CTNNA3: variants seen among roughly 807,000 people sequenced by gnomAD.
The protein encoded by CTNNA3 is catenin alpha 3, also known as catenin alpha-3.
A neutral mutation model predicts 95.7 loss-of-function variants in CTNNA3; 76 were observed. The ratio of observed to expected loss-of-function variants is 0.79; its 90% CI spans 0.66 to 0.96. The LOEUF (loss-of-function observed/expected upper bound fraction) is 0.96. CTNNA3 is among the 40% of genes least tolerant of loss of function. The pLI is 0.00. For missense variants in CTNNA3, 1,191 were observed against 1,089.8 expected, an observed-to-expected ratio of 1.09 and a Z score of -1.31; for synonymous variants, 431 against 374.4, an observed-to-expected ratio of 1.15 and a Z score of -1.74.
At chr10:66,055,909 G>A (rs1465732403) in intron 15 of CTNNA3, among the ~76,000 whole-genome samples, 5 of 119,948 alleles carry the variant, frequency 4.2e-5, no homozygotes, top group Non-Finnish European at 6.4e-5. Context: ...GCGACAGAGC[G>A]AGACTCCATC....
At chr10:66,152,141 T>C (rs2084234973) in intron 13 of CTNNA3, among the ~76,000 whole-genome samples, 1 of 151,958 alleles carries the variant, frequency 6.6e-6, no homozygotes, top group South Asian at 2.1e-4. Flanking sequence ...GAAAAATAAG[T>C]ACCATTCAAA....
intron 1 of CTNNA3, among the ~76,000 whole-genome samples, chr10:67,653,404 T>C (rs1839932085): frequency 6.6e-6 from 1 of 152,130 alleles, no homozygotes; most frequent in African/African-American, 2.4e-5. Context: ...GTCCCTCTTC[T>C]CATCTTTAAT....
At chr10:66,214,787 C>T (rs1344880373) in intron 13 of CTNNA3, among the ~76,000 whole-genome samples, 1 of 152,002 alleles carries the variant, frequency 6.6e-6, no homozygotes, top group Non-Finnish European at 1.5e-5. Flanking sequence ...CTAGGATATT[C>T]TAAGTAAAAA....
intron 9 of CTNNA3, among the ~76,000 whole-genome samples, chr10:66,695,490 A>G (rs1018827181): frequency 6.6e-6 from 1 of 152,166 alleles, no homozygotes; most frequent in Non-Finnish European, 1.5e-5. Context: ...AGTATATGTA[A>G]TATTCACATT....
intron 10 of CTNNA3, among the ~76,000 whole-genome samples, chr10:66,522,924 G>T (rs552826076): frequency 6.7e-4 from 102 of 152,136 alleles, no homozygotes; most frequent in Non-Finnish European, 1.4e-3. Flanking sequence ...ATATCCTAAA[G>T]ACTGTACCTT....
intron 17 of CTNNA3, among the ~76,000 whole-genome samples, chr10:65,948,537 G>C (rs1807791120): frequency 6.7e-6 from 1 of 148,880 alleles, no homozygotes; most frequent in Admixed American, 6.8e-5. Flanking sequence ...TTCCCCTATG[G>C]TTGTCAGTGT....
At chr10:66,079,840 T>C (rs1015458938) in intron 14 of CTNNA3, among the ~76,000 whole-genome samples, 1 of 152,042 alleles carries the variant, frequency 6.6e-6, no homozygotes. Context: ...TCTCATTATA[T>C]TATTAACAAC....
chr10:66,791,611 C>T (rs572739416), intron 7 of CTNNA3, among the ~76,000 whole-genome samples: 25 of 152,292 alleles, frequency 1.6e-4, no homozygotes, highest in Non-Finnish European at 3.1e-4. Flanking sequence ...ATCTCTCCCC[C>T]AATAGATATG....
chr10:67,157,569 G>A (rs1861365470), intron 7 of CTNNA3, among the ~76,000 whole-genome samples: 1 of 152,076 alleles, frequency 6.6e-6, no homozygotes, highest in African/African-American at 2.4e-5. Flanking sequence ...TAAAAGAGGA[G>A]GTTTGTAAAC....
intron 11 of CTNNA3, among the ~76,000 whole-genome samples, chr10:66,397,034 C>T (rs2092983619): frequency 6.6e-6 from 1 of 151,476 alleles, no homozygotes; most frequent in South Asian, 2.1e-4. Context: ...ATAGGACCCT[C>T]ATTTAAAATT....
intron 13 of CTNNA3, among the ~76,000 whole-genome samples, chr10:66,152,535 CTG>C: frequency 6.6e-6 from 1 of 151,950 alleles, no homozygotes; most frequent in East Asian, 1.9e-4. Context: ...TCTGAATTCA[CTG>C]TATCAGAATG....
At chr10:67,230,745 C>A (rs1451827879) in intron 5 of CTNNA3, among the ~76,000 whole-genome samples, 1 of 152,228 alleles carries the variant, frequency 6.6e-6, no homozygotes. Flanking sequence ...GTGATTTCTG[C>A]ATTTCCATCT....
At chr10:67,572,539 A>ACCACCATACAATCAGTAAGTCT (rs1327311165) in intron 3 of CTNNA3, among the ~76,000 whole-genome samples, 4 of 152,176 alleles carry the variant, frequency 2.6e-5, no homozygotes, top group Non-Finnish European at 5.9e-5. Flanking sequence ...ATTTGATGAG[A>ACCACCATACAATCAGTAAGTCT]CCACCATACA....
At chr10:66,130,027 C>T (rs2083013240) in intron 13 of CTNNA3, among the ~76,000 whole-genome samples, 1 of 152,164 alleles carries the variant, frequency 6.6e-6, no homozygotes, top group Non-Finnish European at 1.5e-5. Flanking sequence ...CTGCCTGCTT[C>T]ACCTCTGCCA....
intron 6 of CTNNA3, among the ~76,000 whole-genome samples, chr10:67,196,112 A>G (rs1014987267): frequency 2.0e-5 from 3 of 152,116 alleles, no homozygotes; most frequent in African/African-American, 4.8e-5. Context: ...AAATGGAATG[A>G]AATTTTTCCT....
At chr10:66,148,587 T>G (rs902496632) in intron 13 of CTNNA3, among the ~76,000 whole-genome samples, 4 of 152,052 alleles carry the variant, frequency 2.6e-5, no homozygotes, top group Admixed American at 1.3e-4. Context: ...GATACAGTAC[T>G]TCCTGCTTCC....
intron 7 of CTNNA3, among the ~76,000 whole-genome samples, chr10:66,776,123 G>T (rs1204992132): frequency 1.3e-5 from 2 of 152,164 alleles, no homozygotes; most frequent in East Asian, 3.8e-4. Flanking sequence ...GAGCAGAACA[G>T]CTCTCTGTTA....
intron 7 of CTNNA3, among the ~76,000 whole-genome samples, chr10:66,890,396 AAAG>A (rs1052494733): frequency 1.3e-5 from 2 of 152,070 alleles, no homozygotes; most frequent in Admixed American, 1.3e-4. Context: ...AAATAGTAGC[AAAG>A]AAGGAGGAGA....
chr10:66,125,639 C>T (rs1348285817), intron 13 of CTNNA3, among the ~76,000 whole-genome samples: 2 of 152,112 alleles, frequency 1.3e-5, no homozygotes, highest in South Asian at 2.1e-4. Context: ...CAGAGATGTT[C>T]ATGCTTAGAA....
Sources: gnomAD v4.1 joint callset for allele counts (sites outside exome capture counted in the v4.1 genomes callset) on GRCh38, gnomAD v4.1.1 for gene constraint, MANE v1.5 for transcripts, NCBI Gene and HGNC (gene_info 2026-07-23, HGNC 2026-07-21) for gene names.